PRIMPOL: variants seen among roughly 807,000 people sequenced by gnomAD.
PRIMPOL encodes primase and DNA directed polymerase, also known as DNA-directed primase/polymerase protein.
In PRIMPOL, 54 loss-of-function variants were observed where a neutral mutation model predicts 63.6. The observed-to-expected ratio is 0.85, with a 90% CI of 0.68 to 1.07. The LOEUF is 1.07. Ranked by LOEUF, PRIMPOL falls within the 50% of genes least tolerant of loss-of-function variation. The pLI is 0.00. For missense variants in PRIMPOL, 610 were observed against 648.3 expected, an observed-to-expected ratio of 0.94 and a Z score of 0.64; for synonymous variants, 197 against 220.2, an observed-to-expected ratio of 0.89 and a Z score of 0.93.
Position 184,657,237 on chromosome 4 carries a change from T to C in PRIMPOL, c.97T>C (p.Ser33Pro), listed in dbSNP as rs769531877. 6 of 1,614,004 alleles carry C rather than the reference T, an allele frequency of 3.7e-6. No homozygotes were observed. Among genetic ancestry groups the C allele is most frequent in the Non-Finnish European group, 5.1e-6 (6 of 1,179,966 alleles). Residue 33 changes from serine (S) to proline (P), a missense_variant, in exon 3 of 14, where the codon TCC (serine) becomes CCC (proline). By Grantham distance (74) the Ser-to-Pro change is moderately conservative (BLOSUM62 -1). This residue lies in a region of PRIMPOL where 159 missense variants were observed against 168.9 expected (regional missense o/e 0.94). Coordinates refer to ENST00000314970, the MANE Select transcript of PRIMPOL (RefSeq NM_152683.4). ...GTCCTCAGTGTATAGACCAAGATTG[T>C]CCAAGCCAGAAGAACCACCCTCCAT... ...PLSSVYRPRL[S>P]KPEEPPSIWR...
At chr4:184,656,708 G>A (rs1215489427) in intron 2 of PRIMPOL, among the ~76,000 whole-genome samples, 4 of 152,192 alleles carry the variant, frequency 2.6e-5, no homozygotes. Context: ...AATGGTTATA[G>A]TAAAAACCAC....
chr4:184,658,035 T>TAAATAAATAAATAAATAAAA (rs1553988171), intron 3 of PRIMPOL, among the ~76,000 whole-genome samples: 6 of 147,050 alleles, frequency 4.1e-5, no homozygotes, highest in Non-Finnish European at 8.9e-5. Flanking sequence ...AATAAATAAA[T>TAAATAAATAAATAAATAAAA]ATCACTAAAT....
At chr4:184,685,921 C>T (rs1756875305) in intron 11 of PRIMPOL, among the ~76,000 whole-genome samples, 1 of 152,148 alleles carries the variant, frequency 6.6e-6, no homozygotes, top group South Asian at 2.1e-4. Flanking sequence ...CCTGCCTCAG[C>T]CTCCTAAGTA....
intron 5 of PRIMPOL, among the ~76,000 whole-genome samples, chr4:184,663,018 T>TTTATTATTATTATTATTATTATTA (rs70962516): frequency 7.2e-6 from 1 of 138,758 alleles, no homozygotes; most frequent in African/African-American, 2.7e-5. Context: ...ATTTTAAACC[T>TTTATTATTATTATTATTATTATTA]TTATTATTAT....
At chr4:184,655,230 G>C (rs1284274804) in intron 2 of PRIMPOL, among the ~76,000 whole-genome samples, 1 of 151,252 alleles carries the variant, frequency 6.6e-6, no homozygotes, top group South Asian at 2.1e-4. Flanking sequence ...GGCTGGTCTC[G>C]AACTCCTGAC....
intron 13 of PRIMPOL, among the ~76,000 whole-genome samples, chr4:184,693,383 C>CTA (rs1759479718): frequency 6.6e-6 from 1 of 152,072 alleles, no homozygotes; most frequent in Non-Finnish European, 1.5e-5. Context: ...TTCCGCTTAT[C>CTA]TAGTAACACC....
chr4:184,660,470 C>T (rs957212141), intron 4 of PRIMPOL, among the ~76,000 whole-genome samples: 12 of 152,120 alleles, frequency 7.9e-5, no homozygotes, highest in Non-Finnish European at 1.0e-4. Context: ...CATGAGCCAC[C>T]GCACCCAGCC....
At chr4:184,670,113 A>C (rs1451771511) in intron 6 of PRIMPOL, among the ~76,000 whole-genome samples, 1 of 152,170 alleles carries the variant, frequency 6.6e-6, no homozygotes, top group African/African-American at 2.4e-5. Flanking sequence ...GGGGGCAATA[A>C]GATCCTGGAA....
At chr4:184,665,057 T>G (rs1316161294) in intron 5 of PRIMPOL, among the ~76,000 whole-genome samples, 1 of 152,186 alleles carries the variant, frequency 6.6e-6, no homozygotes, top group Non-Finnish European at 1.5e-5. Flanking sequence ...TTCATAAACA[T>G]TTTTGCTCAT....
chr4:184,665,913 T>C lies in PRIMPOL; in HGVS notation c.409-4T>C. The C allele has an allele frequency of 6.5e-7, 1 of 1,530,266 alleles. No homozygotes were observed. The highest frequency in any genetic ancestry group is 1.3e-5 in the South Asian group (1 of 78,728). The allele number at this position is 1,530,266 out of a possible 1,614,324, so 94.8% of individuals were successfully genotyped here. A position where few individuals can be genotyped will look rare whatever the true frequency, so the allele number is the denominator to read the frequency against. On this transcript the variant is annotated splice_region_variant and splice_polypyrimidine_tract_variant and intron_variant, in intron 5 of 13. Coordinates refer to ENST00000314970, the MANE Select transcript of PRIMPOL (RefSeq NM_152683.4). ...AATTATTTGCATTTTACTTGTGTTT[T>C]TAGTATGTGTGTAAAGCACTTCAAG...
intron 2 of PRIMPOL, among the ~76,000 whole-genome samples, chr4:184,654,773 G>C (rs2150025451): frequency 6.6e-6 from 1 of 152,066 alleles, no homozygotes; most frequent in African/African-American, 2.4e-5. Context: ...TAAAAAAATT[G>C]CTTCATCTCC....
At position 184,694,641 on chromosome 4, in the gene PRIMPOL, T is replaced by C; in HGVS notation, c.1545T>C (p.Asn515=). 1 of 1,614,196 alleles carries C rather than the reference T, an allele frequency of 6.2e-7. No individual in the cohort carries two copies. The highest frequency in any genetic ancestry group is 1.3e-5 in the African/African-American group (1 of 75,048). The change falls in exon 14 of 14, where the codon AAT becomes AAC. Residue 515 remains asparagine (N), a synonymous_variant. Coordinates refer to ENST00000314970, the MANE Select transcript of PRIMPOL (RefSeq NM_152683.4). ...TGASADAVWD[N]GIDDAYFLEA... ...CATCTGCTGATGCTGTCTGGGATAA[T>C]GGCATTGATGATGCTTATTTTTTAG...
intron 7 of PRIMPOL, among the ~76,000 whole-genome samples, chr4:184,673,368 A>G (rs1486856042): frequency 3.3e-5 from 5 of 151,176 alleles, no homozygotes; most frequent in Non-Finnish European, 5.9e-5. Flanking sequence ...TGACGTTGTC[A>G]TCCGCCCGCC....
intron 7 of PRIMPOL, among the ~76,000 whole-genome samples, chr4:184,673,856 G>A (rs1231247377): frequency 6.6e-6 from 1 of 152,196 alleles, no homozygotes; most frequent in Non-Finnish European, 1.5e-5. Flanking sequence ...ACGTGTTTCT[G>A]CTGGATTGCA....
chr4:184,658,919 A>G (rs190036735), intron 3 of PRIMPOL, among the ~76,000 whole-genome samples: 210 of 152,132 alleles, frequency 1.4e-3, no homozygotes, highest in Admixed American at 4.1e-3. Context: ...AAAAAAAAAA[A>G]AAAAGGCTCC....
chr4:184,659,747 C>G (rs963682907), intron 4 of PRIMPOL, among the ~76,000 whole-genome samples: 1 of 152,064 alleles, frequency 6.6e-6, no homozygotes, highest in Admixed American at 6.6e-5. Flanking sequence ...TGTTACTTAC[C>G]TAGTAATGAA....
chr4:184,693,038 A>G (rs1037220520), intron 13 of PRIMPOL, among the ~76,000 whole-genome samples: 2 of 152,096 alleles, frequency 1.3e-5, no homozygotes, highest in Admixed American at 1.3e-4. Context: ...TTTCTCCTCT[A>G]TAGTGTTAAT....
intron 7 of PRIMPOL, among the ~76,000 whole-genome samples, chr4:184,674,591 G>A (rs1579472602): frequency 6.6e-6 from 1 of 152,080 alleles, no homozygotes; most frequent in Non-Finnish European, 1.5e-5. Context: ...GATAAAAATC[G>A]GTGTATAACT....
chr4:184,679,627 C>T (rs1755062879), intron 8 of PRIMPOL, among the ~76,000 whole-genome samples: 1 of 152,110 alleles, frequency 6.6e-6, no homozygotes, highest in Admixed American at 6.6e-5. Context: ...GTAGTGGTCC[C>T]TGAGTCACAG....
Sources: gnomAD v4.1 joint callset for allele counts (sites outside exome capture counted in the v4.1 genomes callset) on GRCh38, gnomAD v4.1.1 for gene constraint, gnomAD v4.1.1 regional missense constraint, MANE v1.5 for transcripts, NCBI Gene and HGNC (gene_info 2026-07-23, HGNC 2026-07-21) for gene names.